CNTN4: variants seen among roughly 807,000 people sequenced by gnomAD.
CNTN4 encodes contactin-4.
Under a neutral mutation model 122.5 loss-of-function variants are expected in CNTN4, and 77 were observed. The ratio of observed to expected loss-of-function variants is 0.63; its 90% CI spans 0.52 to 0.76. CNTN4 has a LOEUF of 0.76. CNTN4 is among the 30% of genes least tolerant of loss of function. CNTN4 has a pLI of 0.00. For missense variants in CNTN4, 1,256 were observed against 1,259.1 expected (o/e 1.00, Z 0.04); for synonymous variants, 512 against 447.0 (o/e 1.15, Z -1.83).
At chr3:2,104,247 TGTGTGTGTGC>T (rs1478665678) in intron 2 of CNTN4, among the ~76,000 whole-genome samples, 5 of 141,398 alleles carry the variant, frequency 3.5e-5, no homozygotes, top group East Asian at 3.9e-4. Flanking sequence ...TGTGTGTGTG[TGTGTGTGTGC>T]GTTTCAAGTC....
chr3:2,981,694 A>T (rs1694033386), intron 13 of CNTN4, among the ~76,000 whole-genome samples: 1 of 152,164 alleles, frequency 6.6e-6, no homozygotes, highest in Non-Finnish European at 1.5e-5. Flanking sequence ...AGCTAGCCAA[A>T]TTTGTACCCC....
At chr3:2,136,693 T>TAA (rs745648552) in intron 2 of CNTN4, among the ~76,000 whole-genome samples, 24 of 143,922 alleles carry the variant, frequency 1.7e-4, no homozygotes, top group Admixed American at 1.5e-3. Flanking sequence ...TTCCTTGGTT[T>TAA]AAAAAAAAAA....
At chr3:2,879,144 G>T (rs1350738461) in intron 8 of CNTN4, among the ~76,000 whole-genome samples, 4 of 152,158 alleles carry the variant, frequency 2.6e-5, no homozygotes, top group Non-Finnish European at 4.4e-5. Flanking sequence ...GGTAAGATGG[G>T]CCATAGATCC....
At position 2,576,768 on chromosome 3, in the gene CNTN4, G is replaced by A. The variant is rs150458379; in HGVS notation, c.55+5210G>A. On this transcript the variant is annotated intron_variant, in intron 4 of 24. Coordinates refer to ENST00000418658, the MANE Select transcript of CNTN4 (RefSeq NM_175607.3). The stretch of plus-strand genomic sequence containing the variant: ...TTGCCATGTGGGCCAGGCTGGTCTC[G>A]AACTCTTAACCTCAAATGATCCACG... Among the ~76,000 whole-genome samples the A allele has an allele frequency of 3.6e-3, 544 of 152,142 alleles. 6 individuals are homozygous for A. The highest frequency in any genetic ancestry group is 0.012 in the African/African-American group (516 of 41,536).
At chr3:2,832,181 T>C (rs190404904) in intron 7 of CNTN4, among the ~76,000 whole-genome samples, 3 of 152,272 alleles carry the variant, frequency 2.0e-5, no homozygotes, top group East Asian at 3.9e-4. Flanking sequence ...AAATTTATGA[T>C]TGGATTCTAA....
chr3:2,366,319 T>C (rs1453568275), intron 3 of CNTN4, among the ~76,000 whole-genome samples: 1 of 152,218 alleles, frequency 6.6e-6, no homozygotes, highest in Non-Finnish European at 1.5e-5. Context: ...GTAAAGTCTT[T>C]TTATAAGTCA....
intron 2 of CNTN4, among the ~76,000 whole-genome samples, chr3:2,327,246 A>T (rs556631916): frequency 1.3e-3 from 202 of 152,198 alleles, no homozygotes; most frequent in African/African-American, 4.4e-3. Flanking sequence ...TTCTTCATGT[A>T]TTTGTGCATG....
chr3:2,765,692 G>C (rs2090827885), intron 6 of CNTN4, among the ~76,000 whole-genome samples: 1 of 152,080 alleles, frequency 6.6e-6, no homozygotes, highest in Non-Finnish European at 1.5e-5. Flanking sequence ...TGTCGTCTTT[G>C]TTTCTAGTTA....
intron 4 of CNTN4, among the ~76,000 whole-genome samples, chr3:2,687,403 G>A (rs2085492598): frequency 7.8e-6 from 1 of 127,636 alleles, no homozygotes; most frequent in Admixed American, 8.2e-5. Flanking sequence ...GCTCGTGCCT[G>A]CAATCTCAGC....
intron 6 of CNTN4, among the ~76,000 whole-genome samples, chr3:2,788,883 ACAGT>A (rs1319307394): frequency 1.3e-5 from 2 of 152,232 alleles, no homozygotes; most frequent in African/African-American, 4.8e-5. Context: ...TAAAGATATA[ACAGT>A]CAAAGACTTT....
At chr3:2,881,422 A>G (rs573264581) in intron 8 of CNTN4, among the ~76,000 whole-genome samples, 3 of 152,222 alleles carry the variant, frequency 2.0e-5, no homozygotes, top group Admixed American at 1.3e-4. Flanking sequence ...CTGAGGCACA[A>G]GAATTGCTTG....
chr3:2,240,586 A>T (rs1305712125), intron 2 of CNTN4, among the ~76,000 whole-genome samples: 1 of 152,108 alleles, frequency 6.6e-6, no homozygotes, highest in Non-Finnish European at 1.5e-5. Context: ...ACAAAATTGT[A>T]ATTTTGTAGG....
chr3:2,707,128 C>T (rs1274320380), intron 4 of CNTN4, among the ~76,000 whole-genome samples: 2 of 151,532 alleles, frequency 1.3e-5, no homozygotes, highest in African/African-American at 2.4e-5. Flanking sequence ...GGTGAAACTC[C>T]ATCTCTATAG....
At chr3:2,672,809 A>G (rs945967617) in intron 4 of CNTN4, among the ~76,000 whole-genome samples, 1 of 152,212 alleles carries the variant, frequency 6.6e-6, no homozygotes, top group Non-Finnish European at 1.5e-5. Flanking sequence ...TTAACATTGA[A>G]ATTCATTAAC....
chr3:2,260,678 C>T (rs1313428737), intron 2 of CNTN4, among the ~76,000 whole-genome samples: 2 of 151,658 alleles, frequency 1.3e-5, no homozygotes, highest in Admixed American at 6.6e-5. Context: ...ATAGAACTTC[C>T]CATTACAGAT....
intron 4 of CNTN4, among the ~76,000 whole-genome samples, chr3:2,654,567 A>C (rs187568997): frequency 6.6e-6 from 1 of 152,324 alleles, no homozygotes; most frequent in Admixed American, 6.5e-5. Flanking sequence ...ATGAGTAAAA[A>C]TGGTGTTATT....
intron 10 of CNTN4, among the ~76,000 whole-genome samples, chr3:2,899,873 G>T (rs2094154392): frequency 6.6e-6 from 1 of 152,110 alleles, no homozygotes; most frequent in South Asian, 2.1e-4. Context: ...AATAAACAAT[G>T]ATGATAGTCT....
intron 4 of CNTN4, among the ~76,000 whole-genome samples, chr3:2,648,776 C>T (rs977373822): frequency 6.6e-6 from 1 of 152,202 alleles, no homozygotes; most frequent in South Asian, 2.1e-4. Context: ...ATGAGGAAGG[C>T]ATGGTGAAAG....
At chr3:2,629,502 T>C (rs756948644) in intron 4 of CNTN4, 3 of 435,154 alleles carry the variant, frequency 6.9e-6, no homozygotes, top group South Asian at 5.0e-5. Context: ...GTGAAGAATT[T>C]TACCCTGTTC....
Sources: gnomAD v4.1 joint callset for allele counts (sites outside exome capture counted in the v4.1 genomes callset) on GRCh38, gnomAD v4.1.1 for gene constraint, MANE v1.5 for transcripts, NCBI Gene and HGNC (gene_info 2026-07-23, HGNC 2026-07-21) for gene names.